The following LPP variants were observed in gnomAD, a reference collection of about 807,000 sequenced individuals.
LPP encodes the protein lipoma-preferred partner.
LPP carries 38 observed loss-of-function variants against 60.4 expected under a neutral mutation model. The observed-to-expected ratio is 0.63, with a 90% confidence interval of 0.49 to 0.83. LPP has a LOEUF of 0.83. Among genes scored for constraint, LPP ranks in the 40% least tolerant of loss-of-function variants. The probability of loss-of-function intolerance (pLI) is 0.00; values close to 1 mark genes in which losing one functional copy is unlikely to be tolerated. For synonymous variants in LPP, 328 were observed against 290.8 expected, an observed-to-expected ratio of 1.13 and a Z score of -1.30; for missense variants, 902 against 783.6, an observed-to-expected ratio of 1.15 and a Z score of -1.80.
At chr3:188,661,467 C>A (rs151174495) in intron 7 of LPP, among the ~76,000 whole-genome samples, 490 of 152,292 alleles carry the variant, frequency 3.2e-3, no homozygotes, top group Admixed American at 5.1e-3. Context: ...GCAATGAATG[C>A]GTGTTCCTGT....
At chr3:188,817,072 C>T (rs556170082) in intron 9 of LPP, among the ~76,000 whole-genome samples, 1 of 152,294 alleles carries the variant, frequency 6.6e-6, no homozygotes, top group Non-Finnish European at 1.5e-5. Context: ...GAAAATTTGG[C>T]TCCTTGAAAA....
At chr3:188,785,980 A>G (rs1364907068) in intron 9 of LPP, among the ~76,000 whole-genome samples, 2 of 152,164 alleles carry the variant, frequency 1.3e-5, no homozygotes, top group African/African-American at 4.8e-5. Flanking sequence ...TCAAATAGGT[A>G]CCATGATGGT....
chr3:188,753,328 A>G (rs1728696668), intron 8 of LPP, among the ~76,000 whole-genome samples: 1 of 152,200 alleles, frequency 6.6e-6, no homozygotes, highest in Non-Finnish European at 1.5e-5. Context: ...TATTTACATC[A>G]GCGAAACATG....
At chr3:188,855,366 G>C (rs1763585371) in intron 9 of LPP, among the ~76,000 whole-genome samples, 2 of 152,276 alleles carry the variant, frequency 1.3e-5, no homozygotes, top group South Asian at 4.1e-4. Flanking sequence ...ACAAACTAGT[G>C]TAAGATGAAC....
chr3:188,282,653 T>C (rs1742511592), intron 2 of LPP, among the ~76,000 whole-genome samples: 2 of 152,150 alleles, frequency 1.3e-5, no homozygotes. Flanking sequence ...TTTTGGCCCC[T>C]GCCTCTCCAC....
At chr3:188,667,295 G>A (rs1855993210) in intron 7 of LPP, among the ~76,000 whole-genome samples, 2 of 151,984 alleles carry the variant, frequency 1.3e-5, no homozygotes, top group East Asian at 1.9e-4. Flanking sequence ...TGGCTAACAC[G>A]GTGAAACCTC....
intron 9 of LPP, among the ~76,000 whole-genome samples, chr3:188,826,535 T>C (rs1755552719): frequency 6.6e-6 from 1 of 152,202 alleles, no homozygotes; most frequent in Non-Finnish European, 1.5e-5. Flanking sequence ...CTCTAGGCCA[T>C]CCATGGTCTT....
chr3:188,477,330 T>C (rs1354653774), intron 4 of LPP, among the ~76,000 whole-genome samples: 1 of 152,190 alleles, frequency 6.6e-6, no homozygotes, highest in African/African-American at 2.4e-5. Flanking sequence ...ACTGAGACTT[T>C]AACAGTAGTA....
chr3:188,529,226 A>T (rs1821489409), intron 6 of LPP, among the ~76,000 whole-genome samples: 1 of 152,228 alleles, frequency 6.6e-6, no homozygotes, highest in Admixed American at 6.5e-5. Context: ...CCAAGAGAAG[A>T]TGATGTCTAT....
intron 9 of LPP, among the ~76,000 whole-genome samples, chr3:188,793,501 A>C (rs1560212015): frequency 6.6e-6 from 1 of 152,072 alleles, no homozygotes; most frequent in Non-Finnish European, 1.5e-5. Context: ...TTATACTGAT[A>C]GCAAAATTGA....
In LPP at chr3:188,352,406, G is replaced by A. The variant is rs1340615339; in HGVS notation, c.-10+10687G>A. ...TTTAGATCAGCTATTTTCTGAAGGAGTCGCTGACCTTCCCCACAATAGAAG... is the reference window on the plus strand; with the variant it reads ...TTTAGATCAGCTATTTTCTGAAGGAATCGCTGACCTTCCCCACAATAGAAG... On this transcript the variant is annotated intron_variant, in intron 3 of 11. Coordinates refer to ENST00000617246, the MANE Select transcript of LPP (RefSeq NM_001375462.1). This position sits in a 1 kb window ranked among gnomAD's most constrained non-coding sequence, Gnocchi z 4.4. 2.0e-5 allele frequency among the ~76,000 whole-genome samples: 3 copies of A among 152,190 alleles called. No homozygotes were observed. The highest frequency in any genetic ancestry group is 4.8e-5 in the African/African-American group (2 of 41,434).
intron 2 of LPP, among the ~76,000 whole-genome samples, chr3:188,240,439 T>C (rs1330511871): frequency 1.3e-5 from 2 of 151,892 alleles, no homozygotes; most frequent in African/African-American, 4.8e-5. Flanking sequence ...GGTCAGATTG[T>C]TTGACAGTAG....
chr3:188,547,045 T>C (rs115690057), intron 6 of LPP, among the ~76,000 whole-genome samples: 2,116 of 152,278 alleles, frequency 0.014, 25 homozygotes, highest in South Asian at 0.049. Flanking sequence ...TGAACAAGGC[T>C]GTATGGATGC....
intron 7 of LPP, among the ~76,000 whole-genome samples, chr3:188,693,713 C>T (rs140263317): frequency 2.4e-4 from 37 of 152,192 alleles, no homozygotes; most frequent in African/African-American, 8.2e-4. Context: ...GTCGCCTCGC[C>T]GAGAATAACA....
chr3:188,243,972 T>C (rs1577510316), intron 2 of LPP, among the ~76,000 whole-genome samples: 1 of 151,870 alleles, frequency 6.6e-6, no homozygotes, highest in African/African-American at 2.4e-5. Flanking sequence ...ACTTCCCGGG[T>C]TCAAGCGATT....
At chr3:188,696,416 T>C (rs1275830432) in intron 7 of LPP, among the ~76,000 whole-genome samples, 1 of 152,102 alleles carries the variant, frequency 6.6e-6, no homozygotes, top group Non-Finnish European at 1.5e-5. Context: ...GCAGATCACT[T>C]GAGGTCAGGA....
Position 188,884,653 on chromosome 3 carries a change from A to G in LPP, c.*10174A>G, listed in dbSNP as rs985964673. The stretch of plus-strand genomic sequence containing the variant: ...ACTGTCAGGTTCAGAATATCAACCA[A>G]GACCATATCATTTAGAATTCATTGG... On this transcript the variant is annotated 3_prime_UTR_variant, in exon 12 of 12. Coordinates refer to ENST00000617246, the MANE Select transcript of LPP (RefSeq NM_001375462.1). The G allele has an allele frequency of 3.9e-5, 9 of 229,718 alleles. No homozygotes were observed. Among genetic ancestry groups the G allele is most frequent in the Admixed American group, 1.1e-4 (2 of 17,672 alleles). The allele number at this position is 229,718 out of a possible 1,614,324, so 14.2% of individuals were successfully genotyped here. A position where few individuals can be genotyped will look rare whatever the true frequency, so the allele number is the denominator to read the frequency against.
chr3:188,344,844 CT>C (rs1256405722), intron 3 of LPP, among the ~76,000 whole-genome samples: 1 of 152,170 alleles, frequency 6.6e-6, no homozygotes, highest in Non-Finnish European at 1.5e-5. Context: ...CTCCACATTT[CT>C]TTACTCTGTG....
At chr3:188,163,309 G>A (rs996272416) in intron 1 of LPP, among the ~76,000 whole-genome samples, 7 of 152,138 alleles carry the variant, frequency 4.6e-5, no homozygotes, top group Non-Finnish European at 7.3e-5. Flanking sequence ...ATAAGCATGA[G>A]GATCAGGACA....
Sources: gnomAD v4.1 joint callset for allele counts (sites outside exome capture counted in the v4.1 genomes callset) on GRCh38, gnomAD v4.1.1 for gene constraint, Gnocchi (gnomAD v3.1) non-coding constraint, MANE v1.5 for transcripts, NCBI Gene and HGNC (gene_info 2026-07-23, HGNC 2026-07-21) for gene names.